Variants in MAP3K20 observed in about 807,000 individuals in gnomAD.
MAP3K20 encodes the protein mitogen-activated protein kinase kinase kinase 20, also known as HCCS-4.
MAP3K20 carries 40 observed loss-of-function variants against 85.7 expected under a neutral mutation model. The ratio of observed to expected loss-of-function variants is 0.47; its 90% CI spans 0.36 to 0.61. The LOEUF (loss-of-function observed/expected upper bound fraction) is 0.61, where lower values mean the gene tolerates loss of function less well. Ranked by LOEUF, MAP3K20 falls within the 20% of genes least tolerant of loss-of-function variation. The pLI, the probability that MAP3K20 is intolerant of heterozygous loss-of-function variation, is 0.00. For synonymous variants in MAP3K20, 325 were observed against 327.7 expected (o/e 0.99, Z 0.09); for missense variants, 817 against 961.7 (o/e 0.85, Z 1.99).
At chr2:173,238,587 A>G in intron 15 of MAP3K20, 152 bp downstream of exon 15, 1 of 687,274 alleles carries the variant, frequency 1.5e-6, no homozygotes, top group Non-Finnish European at 2.5e-6. Flanking sequence ...AAGCAAGGGA[A>G]GTGTATAAAT....
At chr2:173,123,318 A>G (rs1688351595) in intron 2 of MAP3K20, among the ~76,000 whole-genome samples, 1 of 152,160 alleles carries the variant, frequency 6.6e-6, no homozygotes, top group African/African-American at 2.4e-5. Context: ...TCTTTATCTA[A>G]CACCATGGGT....
At chr2:173,076,361 G>T (rs1443450194) in intron 1 of MAP3K20, among the ~76,000 whole-genome samples, 1 of 152,126 alleles carries the variant, frequency 6.6e-6, no homozygotes, top group Non-Finnish European at 1.5e-5. Context: ...TCCCGGGCGT[G>T]CGGCACGGGC....
At chr2:173,193,616 G>C (rs2358088) in intron 7 of MAP3K20, among the ~76,000 whole-genome samples, 92,733 of 151,998 alleles carry the variant, frequency 0.61, 29,489 homozygotes, top group East Asian at 0.86. Flanking sequence ...CTTCTGTTTG[G>C]AGAGCTTAGG....
intron 2 of MAP3K20, among the ~76,000 whole-genome samples, chr2:173,116,522 C>T (rs1410121541): frequency 6.6e-6 from 1 of 152,096 alleles, no homozygotes; most frequent in Non-Finnish European, 1.5e-5. Flanking sequence ...TTCATTTTTT[C>T]ATTTGCTGCC....
chr2:173,160,545 T>C (rs1259479607), intron 2 of MAP3K20: 1 of 152,212 alleles, frequency 6.6e-6, no homozygotes, highest in Non-Finnish European at 1.5e-5. Flanking sequence ...CCTTTTATAC[T>C]TTTGATAACT....
chr2:173,177,174 C>T lies in MAP3K20; in HGVS notation c.248-5680C>T, dbSNP rs1309854555. 2.6e-5 allele frequency among the ~76,000 whole-genome samples: 4 copies of T among 152,132 alleles called. No homozygotes were observed. In the East Asian group the frequency reaches 7.7e-4, roughly 29 times the overall value. ...AATGGGATATAGAAGACTTGAAGAA[C>T]ACTCTCAGCCAACTCTACCTAACTC... On this transcript the variant is annotated intron_variant, in intron 3 of 19. Coordinates refer to ENST00000375213, the MANE Select transcript of MAP3K20 (RefSeq NM_016653.3).
At chr2:173,127,266 A>G (rs1688471332) in intron 2 of MAP3K20, among the ~76,000 whole-genome samples, 1 of 152,250 alleles carries the variant, frequency 6.6e-6, no homozygotes, top group Non-Finnish European at 1.5e-5. Flanking sequence ...TCATTTAAGA[A>G]TTCTGTGAAT....
chr2:173,229,062 T>C (rs1684457026), intron 11 of MAP3K20, among the ~76,000 whole-genome samples: 1 of 152,338 alleles, frequency 6.6e-6, no homozygotes, highest in South Asian at 2.1e-4. Flanking sequence ...CTGAAAATGG[T>C]GCAGGCTGAA....
chr2:173,175,037 T>C (rs1690113467), intron 3 of MAP3K20, among the ~76,000 whole-genome samples: 1 of 152,112 alleles, frequency 6.6e-6, no homozygotes, highest in Non-Finnish European at 1.5e-5. Context: ...GAATTGAGAG[T>C]TCATAGTTCC....
intron 2 of MAP3K20, among the ~76,000 whole-genome samples, chr2:173,097,899 G>A (rs749279344): frequency 2.0e-5 from 3 of 152,072 alleles, no homozygotes; most frequent in Admixed American, 6.5e-5. Flanking sequence ...ATATGATATC[G>A]TTTAGTGATT....
chr2:173,209,908 C>G (rs899837165), intron 10 of MAP3K20, 73 bp downstream of exon 10: 1 of 1,291,708 alleles, frequency 7.7e-7, no homozygotes, highest in Admixed American at 1.7e-5. Flanking sequence ...AAGAAGTGAA[C>G]CAGAGATCTG....
rs377466845 is a variant in MAP3K20 at position 173,099,506 on chromosome 2, A to AT, written c.159+8320dup. Among the ~76,000 whole-genome samples the AT allele has an allele frequency of 2.2e-3, 323 of 149,826 alleles. 1 individual carries two copies. Among genetic ancestry groups the AT allele is most frequent in the African/African-American group, 7.1e-3 (290 of 40,796 alleles). On this transcript the variant is annotated intron_variant, in intron 2 of 19. Coordinates refer to ENST00000375213, the MANE Select transcript of MAP3K20 (RefSeq NM_016653.3). Reference sequence around the variant, plus strand: ...CAGCTGTTTTATTTTGTCTTTTTTTATTTTCTGACAGGATCTCTCCACTCC... The same window carrying AT: ...CAGCTGTTTTATTTTGTCTTTTTTTATTTTTCTGACAGGATCTCTCCACTCC...
intron 16 of MAP3K20, among the ~76,000 whole-genome samples, chr2:173,246,861 G>A (rs760706680): frequency 3.3e-5 from 5 of 152,236 alleles, no homozygotes; most frequent in African/African-American, 7.2e-5. Flanking sequence ...CGAACACGCC[G>A]GCTACCTATG....
intron 16 of MAP3K20, among the ~76,000 whole-genome samples, chr2:173,242,388 C>T (rs142960191): frequency 0.061 from 9,292 of 151,828 alleles, 930 homozygotes; most frequent in East Asian, 0.54. Flanking sequence ...AGGCTGGTCT[C>T]GAACTCCCGA....
chr2:173,128,859 A>G lies in MAP3K20; in HGVS notation c.159+37669A>G, dbSNP rs529055545. Among the ~76,000 whole-genome samples, 156 of 151,716 alleles carry G rather than the reference A, an allele frequency of 1.0e-3. 1 individual carries two copies. The highest frequency in any genetic ancestry group is 1.6e-3 in the Non-Finnish European group (106 of 67,956). ...AAAATTTAAAAATTTCAACTATTTT[A>G]TATGAAATATGCTCCTTCAAGGAAC... is the stretch of plus-strand genomic sequence containing the variant. On this transcript the variant is annotated intron_variant, in intron 2 of 19. Coordinates refer to ENST00000375213, the MANE Select transcript of MAP3K20 (RefSeq NM_016653.3).
intron 2 of MAP3K20, among the ~76,000 whole-genome samples, chr2:173,100,510 C>T (rs1414798594): frequency 6.6e-6 from 1 of 152,108 alleles, no homozygotes; most frequent in African/African-American, 2.4e-5. Context: ...CATTTTTGTT[C>T]ATCTAGGAAA....
intron 1 of MAP3K20, among the ~76,000 whole-genome samples, chr2:173,082,054 T>A (rs1266967926): frequency 6.6e-6 from 1 of 152,098 alleles, no homozygotes; most frequent in Non-Finnish European, 1.5e-5. Flanking sequence ...TCTCACTTTG[T>A]GCAGTGGCAT....
chr2:173,241,283 C>G (rs1416559180), intron 16 of MAP3K20, among the ~76,000 whole-genome samples: 3 of 152,130 alleles, frequency 2.0e-5, no homozygotes, highest in Non-Finnish European at 4.4e-5. Context: ...CCTCAGTTAT[C>G]CTAATGTGAT....
In MAP3K20 at chr2:173,195,616, G is replaced by C. The variant is rs143552585; in HGVS notation, c.583-2410G>C. 3.3e-3 allele frequency among the ~76,000 whole-genome samples: 501 copies of C among 152,016 alleles called. 1 individual carries two copies. Among genetic ancestry groups the C allele is most frequent in the African/African-American group, 0.011 (475 of 41,460 alleles). ...TGACTTCCTCAGTAAAGTTACTTTT[G>C]TATGCCAAATGTTATTTTTGTTTAG... On this transcript the variant is annotated intron_variant, in intron 7 of 19. Transcript: ENST00000375213.
Sources: gnomAD v4.1 joint callset for allele counts (sites outside exome capture counted in the v4.1 genomes callset) on GRCh38, gnomAD v4.1.1 for gene constraint, MANE v1.5 for transcripts, NCBI Gene and HGNC (gene_info 2026-07-23, HGNC 2026-07-21) for gene names.